The following CUBN variants were observed in gnomAD, a reference collection of about 807,000 sequenced individuals.
CUBN encodes the protein 460 kDa receptor.
In CUBN, 282 loss-of-function variants were observed where a neutral mutation model predicts 405.3. The ratio of observed to expected loss-of-function variants is 0.70; its 90% CI spans 0.63 to 0.77. The LOEUF (loss-of-function observed/expected upper bound fraction) is 0.77, where lower values mean the gene tolerates loss of function less well. Ranked by LOEUF, CUBN falls within the 30% of genes least tolerant of loss-of-function variation. The probability of loss-of-function intolerance (pLI) is 0.00; values close to 1 mark genes in which losing one functional copy is unlikely to be tolerated. For synonymous variants in CUBN, 1,684 were observed against 1,617.0 expected (o/e 1.04, Z -0.99); for missense variants, 4,514 against 4,475.2 (o/e 1.01, Z -0.25).
chr10:16,841,877 C>G (rs1312345076), intron 60 of CUBN, among the ~76,000 whole-genome samples: 2 of 137,526 alleles, frequency 1.5e-5, no homozygotes, highest in South Asian at 4.7e-4. Context: ...GGTGCCACTA[C>G]ACTCCAGCCT....
intron 60 of CUBN, among the ~76,000 whole-genome samples, chr10:16,842,404 TAAACA>T (rs1564380765): frequency 6.6e-6 from 1 of 152,166 alleles, no homozygotes. Flanking sequence ...AATAAATAAA[TAAACA>T]AGTGCTTTGA....
chr10:17,089,526 G>A (rs997718183), intron 14 of CUBN, among the ~76,000 whole-genome samples: 1 of 152,128 alleles, frequency 6.6e-6, no homozygotes, highest in Non-Finnish European at 1.5e-5. Flanking sequence ...CAAAGAAGGA[G>A]CAAATAAAAC....
At chr10:16,998,871 G>C (rs1246594081) in intron 28 of CUBN, among the ~76,000 whole-genome samples, 2 of 152,204 alleles carry the variant, frequency 1.3e-5, no homozygotes, top group Non-Finnish European at 2.9e-5. Flanking sequence ...AAGAACCAGG[G>C]AGTTAAGTCA....
intron 50 of CUBN, 132 bp from the exon 51 acceptor site, chr10:16,904,247 C>T (rs1440972938): frequency 1.3e-4 from 116 of 860,498 alleles, no homozygotes; most frequent in Non-Finnish European, 2.1e-4. Context: ...GCAGACATTG[C>T]ACAATATTTG....
At chr10:16,856,397 T>C (rs1050820189) in intron 59 of CUBN, among the ~76,000 whole-genome samples, 6 of 152,156 alleles carry the variant, frequency 3.9e-5, no homozygotes, top group African/African-American at 1.4e-4. Flanking sequence ...AGAAAATACA[T>C]GTTTTGGCTA....
chr10:16,827,204 A>T (rs75754656), intron 66 of CUBN, among the ~76,000 whole-genome samples: 2,067 of 152,344 alleles, frequency 0.014, 53 homozygotes, highest in African/African-American at 0.047. Flanking sequence ...GGGCTTCATT[A>T]AATAAATTAG....
intron 59 of CUBN, among the ~76,000 whole-genome samples, chr10:16,864,050 A>C (rs1446355385): frequency 6.6e-6 from 1 of 152,196 alleles, no homozygotes; most frequent in Non-Finnish European, 1.5e-5. Flanking sequence ...GAATGAGCTG[A>C]ATCTAGATAA....
intron 4 of CUBN, 144 bp downstream of exon 4, chr10:17,126,617 G>C: frequency 1.1e-6 from 1 of 870,956 alleles, no homozygotes; most frequent in African/African-American, 1.7e-5. Context: ...GGAAGCACAT[G>C]CTGGGATGAG....
Position 16,954,418 on chromosome 10 carries a change from T to G in CUBN, c.4826A>C (p.Asn1609Thr). 6.2e-7 allele frequency: 1 copy of G among 1,614,188 alleles called. No homozygotes were observed. The highest frequency in any genetic ancestry group is 8.5e-7 in the Non-Finnish European group (1 of 1,180,028). The change falls in exon 32 of 67, where the codon AAC becomes ACC. Residue 1609 changes from asparagine (N) to threonine (T), a missense_variant. Around this residue, in one of 5 missense-constraint regions of CUBN, gnomAD observed 1,613 missense variants for 1,542.8 expected, o/e 1.05. Transcript: ENST00000377833. ...CCTGAATTGAGCTCGGAAGCCTCTGTTCTGTCTGGAAGGGCCAGACTGAAA... is the reference window on the plus strand; with the variant it reads ...CCTGAATTGAGCTCGGAAGCCTCTGGTCTGTCTGGAAGGGCCAGACTGAAA... The part of the protein sequence containing the change: ...LRFQSGPSRQ[N>T]RGFRAQFRQA...
chr10:17,048,068 A>C (rs1293627893), intron 22 of CUBN, among the ~76,000 whole-genome samples: 2 of 152,238 alleles, frequency 1.3e-5, no homozygotes, highest in Non-Finnish European at 2.9e-5. Flanking sequence ...GATCAGAGTG[A>C]TCTCGAATGA....
At chr10:17,061,755 T>A (rs1835509147) in intron 22 of CUBN, among the ~76,000 whole-genome samples, 1 of 152,212 alleles carries the variant, frequency 6.6e-6, no homozygotes, top group South Asian at 2.1e-4. Context: ...TGTGAAGGTT[T>A]TCGCTTTGCA....
In CUBN at chr10:16,866,342, G is replaced by C. The variant is rs1480654617; in HGVS notation, c.9454+3294C>G. Among the ~76,000 whole-genome samples, 4 of 152,176 alleles carry C rather than the reference G, an allele frequency of 2.6e-5. No homozygotes were observed. The East Asian group carries it at 7.7e-4, about 29-fold the overall frequency. On this transcript the variant is annotated intron_variant, in intron 59 of 66. Transcript: ENST00000377833. ...GTATGAGACCCCCTCAGGAAGAACT[G>C]GAGGCTCTGATGGTTAAAAATACGT...
intron 7 of CUBN, among the ~76,000 whole-genome samples, chr10:17,114,640 A>G (rs2131312906): frequency 6.6e-6 from 1 of 152,318 alleles, no homozygotes; most frequent in African/African-American, 2.4e-5. Context: ...ACATGGGTAG[A>G]AAAAATACAA....
At chr10:16,908,945 C>G (rs1311196423) in intron 48 of CUBN, among the ~76,000 whole-genome samples, 2 of 148,176 alleles carry the variant, frequency 1.3e-5, no homozygotes, top group South Asian at 2.1e-4. Context: ...TGCAGTGGCG[C>G]AATCTCGGCT....
rs11254354 is a variant in CUBN at position 17,068,167 on chromosome 10, G to C, written c.2905C>G (p.Leu969Val). ...AATGTTTCGAACATTAAATGAATCAGGTGATTAGGTTGGACTAATATATGC... is the reference window on the plus strand; with the variant it reads ...AATGTTTCGAACATTAAATGAATCACGTGATTAGGTTGGACTAATATATGC... ...TWHILVQPNH[L>V]IHLMFETFHL... is the part of the protein sequence containing the mutation. The change falls in exon 21 of 67, where the codon CTG (leucine) becomes GTG (valine). Residue 969 changes from leucine to valine, a missense_variant. Physicochemically the swap from Leu to Val is conservative, Grantham distance 32 (BLOSUM62 1). Around this residue, in one of 5 missense-constraint regions of CUBN, gnomAD observed 1,448 missense variants for 1,388.0 expected, o/e 1.04. Coordinates refer to ENST00000377833, the MANE Select transcript of CUBN (RefSeq NM_001081.4). 6.2e-7 allele frequency: 1 copy of C among 1,613,704 alleles called. No homozygotes were observed. The highest frequency in any genetic ancestry group is 8.5e-7 in the Non-Finnish European group (1 of 1,179,658).
intron 25 of CUBN, among the ~76,000 whole-genome samples, chr10:17,044,806 T>C (rs1322793917): frequency 6.6e-6 from 1 of 152,198 alleles, no homozygotes; most frequent in Non-Finnish European, 1.5e-5. Flanking sequence ...ATATTTTAAA[T>C]ACTTAGTGTA....
intron 66 of CUBN, among the ~76,000 whole-genome samples, chr10:16,827,018 G>GTC (rs950652826): frequency 6.6e-5 from 10 of 152,036 alleles, no homozygotes; most frequent in African/African-American, 1.2e-4. Context: ...ATTTACTGGG[G>GTC]TCTCTCTCTC....
At chr10:16,967,059 T>C (rs1843412531) in intron 31 of CUBN, among the ~76,000 whole-genome samples, 1 of 152,196 alleles carries the variant, frequency 6.6e-6, no homozygotes, top group African/African-American at 2.4e-5. Context: ...CAGTCATAAA[T>C]GTGAATGCGG....
chr10:16,894,027 C>T (rs1419774727), intron 54 of CUBN, among the ~76,000 whole-genome samples: 1 of 152,074 alleles, frequency 6.6e-6, no homozygotes, highest in Non-Finnish European at 1.5e-5. Flanking sequence ...TGTAGAGTCT[C>T]TTTGGTGGAC....
Sources: allele counts gnomAD v4.1 joint callset (sites outside exome capture counted in the v4.1 genomes callset), GRCh38; gene constraint gnomAD v4.1.1; regional missense constraint gnomAD v4.1.1; transcripts MANE v1.5; gene names NCBI Gene and HGNC (gene_info 2026-07-23, HGNC 2026-07-21).